Variants in PLCL1 observed in about 807,000 individuals in gnomAD.
PLCL1 encodes inactive phospholipase C-like protein 1.
Under a neutral mutation model 84.4 loss-of-function variants are expected in PLCL1, and 41 were observed. The observed-to-expected ratio is 0.49, with a 90% CI of 0.38 to 0.63. The LOEUF (loss-of-function observed/expected upper bound fraction) is 0.63, where lower values mean the gene tolerates loss of function less well. Among genes scored for constraint, PLCL1 ranks in the 30% least tolerant of loss-of-function variants. The probability of loss-of-function intolerance (pLI) is 0.00; values close to 1 mark genes in which losing one functional copy is unlikely to be tolerated. For synonymous variants in PLCL1, 490 were observed against 488.3 expected, an observed-to-expected ratio of 1.00 and a Z score of -0.05; for missense variants, 1,206 against 1,367.8, an observed-to-expected ratio of 0.88 and a Z score of 1.87.
At chr2:198,106,274 T>C (rs1693472292) in intron 5 of PLCL1, among the ~76,000 whole-genome samples, 1 of 151,902 alleles carries the variant, frequency 6.6e-6, no homozygotes, top group Admixed American at 6.6e-5. Flanking sequence ...TATGTGAAAG[T>C]GTTAGGTTAG....
chr2:198,004,877 T>A (rs996158519), intron 1 of PLCL1, among the ~76,000 whole-genome samples: 2 of 152,186 alleles, frequency 1.3e-5, no homozygotes, highest in South Asian at 2.1e-4. Flanking sequence ...TATTTGAAAT[T>A]TAAGTTCTGT....
chr2:198,117,962 C>T (rs749310884), intron 5 of PLCL1, among the ~76,000 whole-genome samples: 3 of 151,810 alleles, frequency 2.0e-5, no homozygotes, highest in Non-Finnish European at 2.9e-5. Flanking sequence ...TATATGTATG[C>T]ATAGTGTGTG....
At chr2:197,858,940 C>T (rs893674847) in intron 1 of PLCL1, among the ~76,000 whole-genome samples, 2 of 152,110 alleles carry the variant, frequency 1.3e-5, no homozygotes, top group East Asian at 1.9e-4. Flanking sequence ...GTTACTCCTC[C>T]ATGGGGCCTC....
intron 1 of PLCL1, among the ~76,000 whole-genome samples, chr2:197,903,063 A>C (rs190603213): frequency 6.6e-6 from 1 of 152,336 alleles, no homozygotes; most frequent in Admixed American, 6.5e-5. Flanking sequence ...TCAGTGAGCC[A>C]ACAGGTGTTA....
Position 198,083,923 on chromosome 2 carries a change from A to T in PLCL1, c.406A>T (p.Thr136Ser), listed in dbSNP as rs994906581. 2 of 1,614,008 alleles carry T rather than the reference A, an allele frequency of 1.2e-6. No homozygotes were observed. The highest frequency in any genetic ancestry group is 2.7e-5 in the African/African-American group (2 of 74,916). ...TTCTCGCATTTACAACCGTTTTTTCACTCTGGACACAGACCTTCAAGCTCT... is the reference window on the plus strand; with the variant it reads ...TTCTCGCATTTACAACCGTTTTTTCTCTCTGGACACAGACCTTCAAGCTCT... ...PNSRIYNRFFTLDTDLQALRW... is the reference protein window; with the variant it reads ...PNSRIYNRFFSLDTDLQALRW... Residue 136 changes from threonine (T) to serine (S), a missense_variant, in exon 2 of 6, where the codon ACT becomes TCT. Thr to Ser is a moderately conservative substitution (Grantham distance 58). Transcript: ENST00000428675.
At chr2:197,951,118 C>T (rs546981665) in intron 1 of PLCL1, among the ~76,000 whole-genome samples, 2 of 152,174 alleles carry the variant, frequency 1.3e-5, no homozygotes, top group Admixed American at 6.5e-5. Flanking sequence ...ACTGGAATGG[C>T]TATAGAACTT....
At chr2:198,023,849 A>G (rs1028862521) in intron 1 of PLCL1, among the ~76,000 whole-genome samples, 1 of 152,188 alleles carries the variant, frequency 6.6e-6, no homozygotes, top group African/African-American at 2.4e-5. Context: ...TGATTTCTCA[A>G]GGATCTAGAA....
chr2:198,033,501 T>C (rs1344504988), intron 1 of PLCL1, among the ~76,000 whole-genome samples: 2 of 152,108 alleles, frequency 1.3e-5, no homozygotes, highest in Admixed American at 1.3e-4. Flanking sequence ...ACCAGTACCG[T>C]TTTCTCTTGG....
At chr2:197,868,511 T>C (rs901775111) in intron 1 of PLCL1, among the ~76,000 whole-genome samples, 7 of 152,164 alleles carry the variant, frequency 4.6e-5, no homozygotes, top group Non-Finnish European at 8.8e-5. Flanking sequence ...TTTTACACTT[T>C]TTTTTTAAAG....
intron 1 of PLCL1, among the ~76,000 whole-genome samples, chr2:198,054,053 G>A (rs887928110): frequency 3.3e-5 from 5 of 152,068 alleles, no homozygotes; most frequent in Non-Finnish European, 5.9e-5. Flanking sequence ...TAGACTTTAC[G>A]TCAAAAACTA....
At chr2:198,093,444 G>T (rs1693102850) in intron 3 of PLCL1, among the ~76,000 whole-genome samples, 1 of 152,084 alleles carries the variant, frequency 6.6e-6, no homozygotes, top group African/African-American at 2.4e-5. Context: ...ATGCAAACTT[G>T]AAACTTCTCG....
At position 198,084,549 on chromosome 2, in the gene PLCL1, A is replaced by T; in HGVS notation, c.1032A>T (p.Gly344=). 6.2e-7 allele frequency: 1 copy of T among 1,613,982 alleles called. No individual in the cohort carries two copies. Among genetic ancestry groups the T allele is most frequent in the Non-Finnish European group, 8.5e-7 (1 of 1,179,840 alleles). ...DLMLFLEAEQ[G]VTHITEDICL... ...TGCTCTTTTTAGAAGCTGAGCAAGG[A>T]GTCACCCATATCACCGAGGATATAT... is the stretch of plus-strand genomic sequence containing the variant. Residue 344 remains glycine, a synonymous_variant, in exon 2 of 6, where the codon GGA becomes GGT. Transcript: ENST00000428675.
chr2:198,066,333 A>G (rs1472573063), intron 1 of PLCL1, among the ~76,000 whole-genome samples: 9 of 152,134 alleles, frequency 5.9e-5, no homozygotes, highest in Admixed American at 5.9e-4. Flanking sequence ...AGAGCCACTT[A>G]CAAATCTGTT....
chr2:198,031,371 T>TTA (rs967097987), intron 1 of PLCL1, among the ~76,000 whole-genome samples: 10 of 151,874 alleles, frequency 6.6e-5, no homozygotes, highest in East Asian at 1.9e-4. Flanking sequence ...CCCCGTGTCT[T>TTA]TATATATATA....
At chr2:197,874,483 A>G (rs1476431004) in intron 1 of PLCL1, among the ~76,000 whole-genome samples, 3 of 152,232 alleles carry the variant, frequency 2.0e-5, no homozygotes, top group African/African-American at 7.2e-5. Flanking sequence ...ATTGCAGGAA[A>G]ATATACTGAC....
At chr2:198,056,794 G>GT (rs542239482) in intron 1 of PLCL1, among the ~76,000 whole-genome samples, 13 of 152,304 alleles carry the variant, frequency 8.5e-5, no homozygotes, top group African/African-American at 2.4e-4. Flanking sequence ...AGACCTCACA[G>GT]TGTAGATAGA....
At chr2:198,000,588 T>C (rs1324571690) in intron 1 of PLCL1, among the ~76,000 whole-genome samples, 1 of 152,178 alleles carries the variant, frequency 6.6e-6, no homozygotes. Flanking sequence ...CATGTGGGCC[T>C]ACTATATTAT....
intron 1 of PLCL1, among the ~76,000 whole-genome samples, chr2:198,006,752 G>C (rs1440087): frequency 0.18 from 28,020 of 152,092 alleles, 2,639 homozygotes; most frequent in East Asian, 0.26. Flanking sequence ...AATGAGACTA[G>C]AGCATTTTTC....
chr2:197,966,421 C>A (rs1014222988), intron 1 of PLCL1, among the ~76,000 whole-genome samples: 13 of 152,146 alleles, frequency 8.5e-5, no homozygotes, highest in African/African-American at 3.1e-4. Context: ...TGCCAGAATT[C>A]AGGTTCTGAC....
Sources: allele counts gnomAD v4.1 joint callset (sites outside exome capture counted in the v4.1 genomes callset), GRCh38; gene constraint gnomAD v4.1.1; transcripts MANE v1.5; gene names NCBI Gene and HGNC (gene_info 2026-07-23, HGNC 2026-07-21).